Variants in FOXJ3 observed in about 807,000 individuals in gnomAD.
FOXJ3 encodes the protein forkhead box J3.
Under a neutral mutation model 76.1 loss-of-function variants are expected in FOXJ3, and 22 were observed. The ratio of observed to expected loss-of-function variants is 0.29; its 90% CI spans 0.21 to 0.41. The LOEUF (loss-of-function observed/expected upper bound fraction) is 0.41, where lower values mean the gene tolerates loss of function less well. Among genes scored for constraint, FOXJ3 ranks in the 10% least tolerant of loss-of-function variants. The pLI is 1.00. For synonymous variants in FOXJ3, 269 were observed against 261.2 expected (o/e 1.03, Z -0.29); for missense variants, 613 against 762.1 (o/e 0.80, Z 2.30).
Position 42,179,837 on chromosome 1 carries a change from G to T in FOXJ3, c.1754-12C>A. The T allele has an allele frequency of 6.3e-7, 1 of 1,582,342 alleles. No individual in the cohort carries two copies. The highest frequency in any genetic ancestry group is 8.7e-7 in the Non-Finnish European group (1 of 1,151,200). ...GGCTCTGTGATGGCCTGGAAGGAAA[G>T]AGGCAATAATAGCAGCGACTTGGGT... On this transcript the variant is annotated splice_polypyrimidine_tract_variant and intron_variant, in intron 12 of 12. Transcript: ENST00000361346.
intron 2 of FOXJ3, among the ~76,000 whole-genome samples, chr1:42,299,025 T>A (rs1653964212): frequency 6.6e-6 from 1 of 152,202 alleles, no homozygotes; most frequent in Non-Finnish European, 1.5e-5. Flanking sequence ...CTGATTTCAG[T>A]ATTTTGGAAT....
rs1184722906 is a variant in FOXJ3 at position 42,178,491 on chromosome 1, AAAGT to A, written c.*1215_*1218del. Reference sequence around the variant, plus strand: ...TCTTATCTGTAAATTCTTATCAAGAAAAGTAACGCTGGGCCAGGCGCAGTGGCTC... The same window carrying A: ...TCTTATCTGTAAATTCTTATCAAGAAAACGCTGGGCCAGGCGCAGTGGCTC... On this transcript the variant is annotated 3_prime_UTR_variant, in exon 13 of 13. Transcript: ENST00000361346. 1 of 152,262 alleles carries A rather than the reference AAAGT, an allele frequency of 6.6e-6. No homozygotes were observed. Among genetic ancestry groups the A allele is most frequent in the Non-Finnish European group, 1.5e-5 (1 of 68,064 alleles). The allele number at this position is 152,262 out of a possible 1,614,324, so 9.4% of individuals were successfully genotyped here.
intron 3 of FOXJ3, among the ~76,000 whole-genome samples, chr1:42,273,542 G>A (rs945758397): frequency 2.0e-5 from 3 of 151,950 alleles, no homozygotes; most frequent in East Asian, 3.9e-4. Flanking sequence ...AGGCATAGTG[G>A]CATGCGCCTA....
At position 42,225,952 on chromosome 1, in the gene FOXJ3, G is replaced by T. The variant is rs11806508; in HGVS notation, c.528+1931C>A. On this transcript the variant is annotated intron_variant, in intron 5 of 12. Coordinates refer to ENST00000361346, the MANE Select transcript of FOXJ3 (RefSeq NM_014947.5). ...TAATATCCAAAAGACACGGACAGTT[G>T]TTCGCCCAATTCCAACTTCCAAAAA... Among the ~76,000 whole-genome samples the T allele has an allele frequency of 3.6e-3, 553 of 152,276 alleles. 5 individuals carry two copies. The highest frequency in any genetic ancestry group is 0.012 in the African/African-American group (519 of 41,548).
At chr1:42,300,370 A>G (rs1412038416) in intron 2 of FOXJ3, among the ~76,000 whole-genome samples, 4 of 152,120 alleles carry the variant, frequency 2.6e-5, no homozygotes, top group Non-Finnish European at 4.4e-5. Context: ...TCCTTTCAGT[A>G]TTTCTTATAC....
intron 2 of FOXJ3, among the ~76,000 whole-genome samples, chr1:42,282,282 C>A (rs1652773614): frequency 6.6e-6 from 1 of 152,084 alleles, no homozygotes; most frequent in Non-Finnish European, 1.5e-5. Flanking sequence ...GATGTCTCAA[C>A]CACTCCTCCC....
intron 1 of FOXJ3, among the ~76,000 whole-genome samples, chr1:42,331,097 T>C (rs1183233226): frequency 6.6e-6 from 1 of 152,044 alleles, no homozygotes; most frequent in Non-Finnish European, 1.5e-5. Context: ...ATTAAGAAAC[T>C]TGACCAGGCG....
intron 7 of FOXJ3, among the ~76,000 whole-genome samples, chr1:42,198,855 C>T (rs1646703945): frequency 6.6e-6 from 1 of 152,100 alleles, no homozygotes; most frequent in Non-Finnish European, 1.5e-5. Flanking sequence ...CTCTTGGACA[C>T]AGGACAGAAT....
intron 1 of FOXJ3, among the ~76,000 whole-genome samples, chr1:42,311,374 T>C (rs1654798936): frequency 6.6e-6 from 1 of 152,128 alleles, no homozygotes; most frequent in African/African-American, 2.4e-5. Context: ...AGATACACTA[T>C]AACTGTAACA....
intron 5 of FOXJ3, among the ~76,000 whole-genome samples, chr1:42,226,101 C>A (rs1314905862): frequency 6.6e-6 from 1 of 152,118 alleles, no homozygotes; most frequent in Non-Finnish European, 1.5e-5. Flanking sequence ...GAATTTTTCT[C>A]CCCTTCCTTC....
At chr1:42,329,976 A>G (rs1223146291) in intron 1 of FOXJ3, among the ~76,000 whole-genome samples, 2 of 152,190 alleles carry the variant, frequency 1.3e-5, no homozygotes, top group Non-Finnish European at 2.9e-5. Flanking sequence ...GGCTCTTTCC[A>G]TTCCTAGCTA....
Position 42,227,907 on chromosome 1 carries a change from C to T in FOXJ3, c.504G>A (p.Lys168=), listed in dbSNP as rs760391395. ...CCCGTTCTACAGATCGTGCCCTCTT[C>T]TTTGGCCGAGTAGGCAGCACATCTT... is the stretch of plus-strand genomic sequence containing the variant. ...PKEDVLPTRP[K]KRARSVERAS... The change falls in exon 5 of 13, where the codon AAG becomes AAA. Residue 168 remains lysine (K), a synonymous_variant. Coordinates refer to ENST00000361346, the MANE Select transcript of FOXJ3 (RefSeq NM_014947.5). 2 of 1,578,648 alleles carry T rather than the reference C, an allele frequency of 1.3e-6. No individual in the cohort carries two copies. The highest frequency in any genetic ancestry group is 1.7e-6 in the Non-Finnish European group (2 of 1,154,942).
intron 11 of FOXJ3, among the ~76,000 whole-genome samples, chr1:42,187,851 CA>C (rs976841846): frequency 2.0e-5 from 3 of 152,018 alleles, no homozygotes; most frequent in Non-Finnish European, 2.9e-5. Context: ...GTAAGCTATT[CA>C]AAATAGCTTA....
chr1:42,270,603 T>A (rs1034195369), intron 3 of FOXJ3, among the ~76,000 whole-genome samples: 2 of 152,020 alleles, frequency 1.3e-5, no homozygotes, highest in Admixed American at 6.5e-5. Context: ...AGAAAAGAAG[T>A]TGGTGAAGTG....
At chr1:42,222,054 GAAGAAGAAGAAGAAGA>G (rs1647222061) in intron 5 of FOXJ3, among the ~76,000 whole-genome samples, 4 of 103,302 alleles carry the variant, frequency 3.9e-5, no homozygotes, top group African/African-American at 4.2e-5. Context: ...AGGAGAAGAA[GAAGAAGAAGAAGAAGA>G]AGAAGAAGAA....
chr1:42,330,179 C>A (rs1002054544), intron 1 of FOXJ3, among the ~76,000 whole-genome samples: 3 of 152,056 alleles, frequency 2.0e-5, no homozygotes, highest in Non-Finnish European at 4.4e-5. Context: ...CACTTTTAGG[C>A]CCATAGTAAG....
intron 11 of FOXJ3, among the ~76,000 whole-genome samples, chr1:42,185,519 C>T (rs886639259): frequency 5.3e-5 from 8 of 151,888 alleles, no homozygotes; most frequent in African/African-American, 1.9e-4. Context: ...CTCGGTCTCC[C>T]AAAGTGAACA....
At chr1:42,205,650 C>T in intron 6 of FOXJ3, 112 bp downstream of exon 6, 1 of 686,792 alleles carries the variant, frequency 1.5e-6, no homozygotes, top group Non-Finnish European at 2.5e-6. Context: ...ATAGGGTAGA[C>T]AAATTTATAT....
intron 5 of FOXJ3, among the ~76,000 whole-genome samples, 176 bp downstream of exon 5, chr1:42,227,707 A>G (rs1460210602): frequency 6.6e-6 from 1 of 152,248 alleles, no homozygotes; most frequent in African/African-American, 2.4e-5. Context: ...ACTGTCCCTC[A>G]GAGTTAAGAT....
Sources: allele counts gnomAD v4.1 joint callset (sites outside exome capture counted in the v4.1 genomes callset), GRCh38; gene constraint gnomAD v4.1.1; transcripts MANE v1.5; gene names NCBI Gene and HGNC (gene_info 2026-07-23, HGNC 2026-07-21).